ALMS1: variants seen among roughly 807,000 people sequenced by gnomAD.
ALMS1 encodes the protein ALMS1 centrosome and basal body associated protein, also known as centrosome-associated protein ALMS1.
In ALMS1, 271 loss-of-function variants were observed where a neutral mutation model predicts 352.2. That is an observed-to-expected ratio of 0.77 (90% CI 0.70 to 0.85). The LOEUF is 0.85. ALMS1 is among the 40% of genes least tolerant of loss of function. ALMS1 has a pLI of 0.00. For synonymous variants in ALMS1, 1,865 were observed against 1,761.2 expected (o/e 1.06, Z -1.48); for missense variants, 5,445 against 4,870.7 (o/e 1.12, Z -3.51).
At chr2:73,556,638 T>TA (rs1674548442) in intron 13 of ALMS1, among the ~76,000 whole-genome samples, 1 of 133,160 alleles carries the variant, frequency 7.5e-6, no homozygotes, top group African/African-American at 3.4e-5. Context: ...CTTTCCTTTT[T>TA]TTTTTTGTTT....
rs1671897364 is a variant in ALMS1, at chr2:73,450,028, G to A, written c.3501G>A (p.Glu1167=). 1.2e-6 allele frequency: 2 copies of A among 1,613,872 alleles called. No individual in the cohort carries two copies. Among genetic ancestry groups the A allele is most frequent in the Admixed American group, 3.3e-5 (2 of 59,994 alleles). Residue 1167 remains glutamate (E), a synonymous_variant, in exon 8 of 23, where the codon GAG becomes GAA. Transcript: ENST00000613296. ...QALPGTHIPE[E]AQKVSAVTGP... is the part of the protein sequence containing the mutation. ...TGCCAGGTACTCATATACCTGAAGA[G>A]GCTCAGAAAGTTTCAGCTGTTACTG...
At chr2:73,428,006 T>C (rs191978719) in intron 6 of ALMS1, among the ~76,000 whole-genome samples, 20 of 152,318 alleles carry the variant, frequency 1.3e-4, no homozygotes, top group Middle Eastern at 6.8e-3. Flanking sequence ...AAAGATATTA[T>C]GATGAACTTT....
At chr2:73,545,563 A>T (rs979702882) in intron 12 of ALMS1, among the ~76,000 whole-genome samples, 1 of 152,346 alleles carries the variant, frequency 6.6e-6, no homozygotes, top group South Asian at 2.1e-4. Context: ...TTAAAAGTAG[A>T]TGTCTATGTT....
At chr2:73,427,416 A>G (rs1311624730) in intron 6 of ALMS1, among the ~76,000 whole-genome samples, 1 of 151,804 alleles carries the variant, frequency 6.6e-6, no homozygotes, top group Non-Finnish European at 1.5e-5. Flanking sequence ...CCCTCTCTCT[A>G]TTTATATCAT....
chr2:73,454,383 C>G lies in ALMS1; in HGVS notation c.7540+316C>G, dbSNP rs992067338. 90 of 984,620 alleles carry G rather than the reference C, an allele frequency of 9.1e-5. No homozygotes were observed. The African/African-American group carries it at 1.3e-3, about 15-fold the overall frequency. The allele number at this position is 984,620 out of a possible 1,614,324, so 61.0% of individuals were successfully genotyped here. A position where few individuals can be genotyped will look rare whatever the true frequency, so the allele number is the denominator to read the frequency against. On this transcript the variant is annotated intron_variant, in intron 8 of 22. Coordinates refer to ENST00000613296, the MANE Select transcript of ALMS1 (RefSeq NM_001378454.1). The stretch of plus-strand genomic sequence containing the variant: ...TGTATGACAGAGAGTAAAGAGGTCG[C>G]TTGGGCTCCTGAGCTCCTAAAGCTA...
chr2:73,554,465 G>T (rs1056655942), intron 13 of ALMS1, among the ~76,000 whole-genome samples: 10 of 152,028 alleles, frequency 6.6e-5, no homozygotes, highest in African/African-American at 2.4e-4. Context: ...CAGCAGTTTG[G>T]GGGGCCAAGG....
At chr2:73,596,350 G>A (rs1675547180) in intron 16 of ALMS1, among the ~76,000 whole-genome samples, 1 of 151,724 alleles carries the variant, frequency 6.6e-6, no homozygotes, top group Non-Finnish European at 1.5e-5. Flanking sequence ...AGCATCATTT[G>A]TTCAAAAGAG....
At chr2:73,509,172 A>G (rs1473483996) in intron 10 of ALMS1, among the ~76,000 whole-genome samples, 5 of 152,086 alleles carry the variant, frequency 3.3e-5, no homozygotes, top group Non-Finnish European at 5.9e-5. Flanking sequence ...TCCTGAATAC[A>G]GCACACCAAT....
chr2:73,498,037 A>G (rs971501618), intron 10 of ALMS1, among the ~76,000 whole-genome samples: 3 of 152,162 alleles, frequency 2.0e-5, no homozygotes, highest in South Asian at 4.1e-4. Context: ...GTGATAATAC[A>G]AGTGATGTTT....
intron 10 of ALMS1, among the ~76,000 whole-genome samples, chr2:73,515,631 T>G (rs1010093797): frequency 1.3e-5 from 2 of 152,044 alleles, no homozygotes; most frequent in African/African-American, 4.8e-5. Flanking sequence ...TACAAAAGAT[T>G]AACTAAACCA....
At chr2:73,386,313 T>C in intron 1 of ALMS1, 121 bp downstream of exon 1, 1 of 1,346,130 alleles carries the variant, frequency 7.4e-7, no homozygotes, top group Non-Finnish European at 9.7e-7. Flanking sequence ...CAGCTGAGGC[T>C]AGTAGGCGGC....
chr2:73,490,038 A>G lies in ALMS1; in HGVS notation c.8079A>G (p.Glu2693=), dbSNP rs1323302393. Residue 2693 remains glutamate, a synonymous_variant, in exon 10 of 23, where the codon GAA becomes GAG. Transcript: ENST00000613296. ...LVEPAFVPPK[E]VDFHSSSQMP... ...AACCTGCTTTTGTGCCACCTAAAGA[A>G]GTGGATTTTCATTCTTCATCACAAA... 3 of 1,614,112 alleles carry G rather than the reference A, an allele frequency of 1.9e-6. No homozygotes were observed. The highest frequency in any genetic ancestry group is 1.7e-6 in the Non-Finnish European group (2 of 1,180,054).
intron 10 of ALMS1, among the ~76,000 whole-genome samples, chr2:73,517,377 C>G (rs548100598): frequency 6.6e-6 from 1 of 151,658 alleles, no homozygotes; most frequent in Admixed American, 6.6e-5. Context: ...CCTCAGCCTC[C>G]TCAGTTGCTG....
chr2:73,394,994 A>ATATATATGTG (rs1382159453), intron 1 of ALMS1, among the ~76,000 whole-genome samples: 2 of 136,454 alleles, frequency 1.5e-5, no homozygotes, highest in African/African-American at 5.8e-5. Flanking sequence ...ATATGTGTAT[A>ATATATATGTG]TATATATGTG....
intron 16 of ALMS1, among the ~76,000 whole-genome samples, chr2:73,575,690 G>T (rs1026884563): frequency 4.6e-5 from 7 of 152,004 alleles, no homozygotes. Context: ...TGGTTTTTGA[G>T]TTGTTGGGAT....
At chr2:73,548,739 G>A (rs1241496228) in intron 12 of ALMS1, among the ~76,000 whole-genome samples, 1 of 152,138 alleles carries the variant, frequency 6.6e-6, no homozygotes. Context: ...CTGAATGCTG[G>A]AGTCGGATGC....
At chr2:73,601,020 C>T in intron 18 of ALMS1, 139 bp downstream of exon 18, 1 of 1,394,012 alleles carries the variant, frequency 7.2e-7, no homozygotes, top group Non-Finnish European at 9.8e-7. Flanking sequence ...TTTCAGAGTC[C>T]AGCATGGCAG....
chr2:73,386,611 G>C (rs943406627), intron 1 of ALMS1, among the ~76,000 whole-genome samples: 1 of 152,128 alleles, frequency 6.6e-6, no homozygotes, highest in Non-Finnish European at 1.5e-5. Context: ...TCCCCTGAGG[G>C]AGTAATGTGG....
At chr2:73,518,090 T>C (rs967384356) in intron 10 of ALMS1, among the ~76,000 whole-genome samples, 1 of 152,066 alleles carries the variant, frequency 6.6e-6, no homozygotes, top group Non-Finnish European at 1.5e-5. Context: ...CCCAGTAGTT[T>C]TTTTTTTTTT....
Sources: gnomAD v4.1 joint callset for allele counts (sites outside exome capture counted in the v4.1 genomes callset) on GRCh38, gnomAD v4.1.1 for gene constraint, MANE v1.5 for transcripts, NCBI Gene and HGNC (gene_info 2026-07-23, HGNC 2026-07-21) for gene names.